The following ELMOD2 variants were observed in gnomAD, a reference collection of about 807,000 sequenced individuals.
ELMOD2 encodes the protein ELMO domain-containing protein 2.
Under a neutral mutation model 41.0 loss-of-function variants are expected in ELMOD2, and 28 were observed. That is an observed-to-expected ratio of 0.68 (90% confidence interval 0.51 to 0.94). ELMOD2 has a LOEUF of 0.94. Among genes scored for constraint, ELMOD2 ranks in the 40% least tolerant of loss-of-function variants. The pLI is 0.00. For missense variants in ELMOD2, 333 were observed against 343.1 expected, an observed-to-expected ratio of 0.97 and a Z score of 0.23; for synonymous variants, 106 against 107.2, an observed-to-expected ratio of 0.99 and a Z score of 0.07.
Position 140,552,412 on chromosome 4 carries a change from T to A in ELMOD2, c.*2037T>A, listed in dbSNP as rs1465049516. 6.6e-6 allele frequency: 1 copy of A among 152,034 alleles called. No homozygotes were observed. Among genetic ancestry groups the A allele is most frequent in the South Asian group, 2.1e-4 (1 of 4,830 alleles). 9.4% of individuals were successfully genotyped at this position (152,034 alleles called of 1,614,324 possible). A position where few individuals can be genotyped will look rare whatever the true frequency, so the allele number is the denominator to read the frequency against. On this transcript the variant is annotated 3_prime_UTR_variant, in exon 9 of 9. Coordinates refer to ENST00000323570, the MANE Select transcript of ELMOD2 (RefSeq NM_153702.4). ...GGTATCATTCTGTTTTTGCTTAAAATAATCTGCAACCATTTCAGATAGTTT... is the reference window on the plus strand; with the variant it reads ...GGTATCATTCTGTTTTTGCTTAAAAAAATCTGCAACCATTTCAGATAGTTT...
intron 7 of ELMOD2, among the ~76,000 whole-genome samples, chr4:140,543,134 T>C (rs111298156): frequency 1.1e-4 from 16 of 152,130 alleles, no homozygotes; most frequent in African/African-American, 3.6e-4. Context: ...ATCCAGATTA[T>C]CCAGTGTATT....
At chr4:140,538,889 C>A (rs1220708812) in intron 5 of ELMOD2, among the ~76,000 whole-genome samples, 1 of 152,218 alleles carries the variant, frequency 6.6e-6, no homozygotes, top group Non-Finnish European at 1.5e-5. Context: ...ATTCAATATT[C>A]ATGCATATTA....
chr4:140,535,966 G>A lies in ELMOD2; in HGVS notation c.269+136G>A, dbSNP rs979024525. The A allele has an allele frequency of 3.9e-6, 3 of 762,906 alleles. No individual in the cohort carries two copies. In the African/African-American group the frequency reaches 5.5e-5, roughly 14 times the overall value. The allele number at this position is 762,906 out of a possible 1,614,324, so 47.3% of individuals were successfully genotyped here. ...GATTCAGCGCTCTCACTTCACAAGAGGAGCAGTTGAGATCCAGAGAGGGCA... is the reference window on the plus strand; with the variant it reads ...GATTCAGCGCTCTCACTTCACAAGAAGAGCAGTTGAGATCCAGAGAGGGCA... On this transcript the variant is annotated intron_variant, in intron 4 of 8. Transcript: ENST00000323570.
At chr4:140,546,419 G>A (rs921212299) in intron 8 of ELMOD2, among the ~76,000 whole-genome samples, 17 of 151,616 alleles carry the variant, frequency 1.1e-4, no homozygotes, top group African/African-American at 3.4e-4. Context: ...ACACCAACAT[G>A]GCACATGTAT....
At chr4:140,546,180 T>C (rs2110879184) in intron 8 of ELMOD2, among the ~76,000 whole-genome samples, 1 of 152,290 alleles carries the variant, frequency 6.6e-6, no homozygotes, top group Middle Eastern at 3.4e-3. Flanking sequence ...GTTCATGTCC[T>C]TTGTAGGGAC....
chr4:140,530,614 T>C (rs1734717546), intron 3 of ELMOD2, among the ~76,000 whole-genome samples: 1 of 152,220 alleles, frequency 6.6e-6, no homozygotes, highest in Non-Finnish European at 1.5e-5. Flanking sequence ...TAGAAATTGC[T>C]ATAGTACTTT....
rs1735482728 is a variant in ELMOD2, at chr4:140,551,988, T to C, written c.*1613T>C. 1 of 152,094 alleles carries C rather than the reference T, an allele frequency of 6.6e-6. No homozygotes were observed. Among genetic ancestry groups the C allele is most frequent in the Non-Finnish European group, 1.5e-5 (1 of 67,912 alleles). 9.4% of individuals were successfully genotyped at this position (152,094 alleles called of 1,614,324 possible). ...TTTCAGTATTACAGGAATTTAAAAA[T>C]TGGTTTCTTGTAGGGGACATCTCAA... On this transcript the variant is annotated 3_prime_UTR_variant, in exon 9 of 9. Transcript: ENST00000323570.
intron 5 of ELMOD2, among the ~76,000 whole-genome samples, chr4:140,538,661 T>G (rs1735007590): frequency 6.6e-6 from 1 of 152,186 alleles, no homozygotes; most frequent in Non-Finnish European, 1.5e-5. Flanking sequence ...GTCCTAGCCC[T>G]CTAGTCCAGG....
chr4:140,533,451 G>A (rs1734813432), intron 3 of ELMOD2, among the ~76,000 whole-genome samples: 1 of 152,110 alleles, frequency 6.6e-6, no homozygotes. Flanking sequence ...AACTGGGTAT[G>A]TATGGGGGAA....
In ELMOD2 at chr4:140,525,522, C is replaced by T; in HGVS notation, c.94C>T (p.Gln32Ter). The T allele has an allele frequency of 6.2e-7, 1 of 1,613,806 alleles. No homozygotes were observed. The highest frequency in any genetic ancestry group is 8.5e-7 in the Non-Finnish European group (1 of 1,179,912). The change falls in exon 2 of 9, where the codon CAG (glutamine) becomes TAG (stop). Residue 32 changes from glutamine to a stop codon, truncating the protein, a stop_gained. Transcript: ENST00000323570. LOFTEE classifies it high-confidence loss of function. ...LRQMTGKCEL[Q>*]RIFDTYVGAQ... is the part of the protein sequence containing the mutation. ...ACAGATGACTGGGAAGTGTGAATTGCAGCGAATATTTGATACCTATGTAGG... is the reference window on the plus strand; with the variant it reads ...ACAGATGACTGGGAAGTGTGAATTGTAGCGAATATTTGATACCTATGTAGG...
In ELMOD2 at chr4:140,537,476, G is replaced by A. The variant is rs112201741; in HGVS notation, c.334G>A (p.Val112Ile). ...ITGYKQLYLD[V>I]ESVRKRPYDS... The stretch of plus-strand genomic sequence containing the variant: ...TGGTTATAAACAGCTGTATTTGGAT[G>A]TAGAAAGTGTGAGGAAAAGGCCATA... The change falls in exon 5 of 9, where the codon GTA becomes ATA. Residue 112 changes from valine (V) to isoleucine (I), a missense_variant. Transcript: ENST00000323570. 8.8e-6 allele frequency: 14 copies of A among 1,584,034 alleles called. No homozygotes were observed. The African/African-American group carries it at 1.1e-4, about 12-fold the overall frequency.
Position 140,552,737 on chromosome 4 carries a change from T to G in ELMOD2, c.*2362T>G, listed in dbSNP as rs1406945090. On this transcript the variant is annotated 3_prime_UTR_variant, in exon 9 of 9. Transcript: ENST00000323570. Reference sequence around the variant, plus strand: ...TTGTGGCATTGAAGTAGCCGAAAAATTGTTAGTTTTAGCATCAAAAAAGTA... The same window carrying G: ...TTGTGGCATTGAAGTAGCCGAAAAAGTGTTAGTTTTAGCATCAAAAAAGTA... 2 of 152,028 alleles carry G rather than the reference T, an allele frequency of 1.3e-5. No individual in the cohort carries two copies. The highest frequency in any genetic ancestry group is 2.9e-5 in the Non-Finnish European group (2 of 67,964). 9.4% of individuals were successfully genotyped at this position (152,028 alleles called of 1,614,324 possible).
In ELMOD2 at chr4:140,525,402, T is replaced by G. The variant is rs1231906287; in HGVS notation, c.-9-18T>G. 4.3e-6 allele frequency: 7 copies of G among 1,610,016 alleles called. No individual in the cohort carries two copies. Among genetic ancestry groups the G allele is most frequent in the Non-Finnish European group, 5.9e-6 (7 of 1,178,720 alleles). On this transcript the variant is annotated intron_variant, in intron 1 of 8. Coordinates refer to ENST00000323570, the MANE Select transcript of ELMOD2 (RefSeq NM_153702.4). ...GTTTAAGGTCATTAAGCTTGTCTTG[T>G]ATGTTTCCCTCCTCCAGGAAAAAAA...
At position 140,536,909 on chromosome 4, in the gene ELMOD2, C is replaced by A. The variant is rs527774883; in HGVS notation, c.270-503C>A. ...TTTAGCGTATGGGGATCTTTTGATA[C>A]ATTGTGATGGAGAGAGGCAGGTCAG... is the stretch of plus-strand genomic sequence containing the variant. On this transcript the variant is annotated intron_variant, in intron 4 of 8. Coordinates refer to ENST00000323570, the MANE Select transcript of ELMOD2 (RefSeq NM_153702.4). Among the ~76,000 whole-genome samples the A allele has an allele frequency of 6.6e-5, 10 of 152,152 alleles. No individual in the cohort carries two copies. In the South Asian group the frequency reaches 2.1e-3, roughly 32 times the overall value.
chr4:140,524,634 C>T, intron 1 of ELMOD2: 1 of 985,492 alleles, frequency 1.0e-6, no homozygotes, highest in Non-Finnish European at 1.2e-6. Flanking sequence ...CGAACTTCGA[C>T]AGTCCCTCCT....
At position 140,527,940 on chromosome 4, in the gene ELMOD2, G is replaced by A. The variant is rs1056453706; in HGVS notation, c.171+446G>A. On this transcript the variant is annotated intron_variant, in intron 3 of 8. Coordinates refer to ENST00000323570, the MANE Select transcript of ELMOD2 (RefSeq NM_153702.4). Reference sequence around the variant, plus strand: ...GTAACAAACTATAATAAAATCTCAGGGGCATAAAACGATACGTTGTTTCTT... The same window carrying A: ...GTAACAAACTATAATAAAATCTCAGAGGCATAAAACGATACGTTGTTTCTT... The A allele has an allele frequency of 2.9e-4, 45 of 154,012 alleles. 1 individual carries two copies. The highest frequency in any genetic ancestry group is 1.3e-4 in the Non-Finnish European group (9 of 69,482). 9.5% of individuals were successfully genotyped at this position (154,012 alleles called of 1,614,324 possible). A position where few individuals can be genotyped will look rare whatever the true frequency, so the allele number is the denominator to read the frequency against.
chr4:140,536,324 C>T (rs548954352), intron 4 of ELMOD2, among the ~76,000 whole-genome samples: 5 of 152,224 alleles, frequency 3.3e-5, no homozygotes, highest in South Asian at 4.1e-4. Flanking sequence ...GTGTTCCCAG[C>T]GCTGGTATGT....
chr4:140,532,155 C>A (rs1411953009), intron 3 of ELMOD2, among the ~76,000 whole-genome samples: 1 of 149,298 alleles, frequency 6.7e-6, no homozygotes, highest in East Asian at 2.0e-4. Flanking sequence ...GATAATATGT[C>A]ATGTTGAGTT....
Position 140,525,426 on chromosome 4 carries a change from A to G in ELMOD2, c.-3A>G, listed in dbSNP as rs764944668. On this transcript the variant is annotated 5_prime_UTR_variant, in exon 2 of 9. Coordinates refer to ENST00000323570, the MANE Select transcript of ELMOD2 (RefSeq NM_153702.4). ...GTATGTTTCCCTCCTCCAGGAAAAA[A>G]AAATGTTTATTTCTTTGTGGGAGTT... 2.0e-5 allele frequency: 33 copies of G among 1,611,872 alleles called. No homozygotes were observed. The African/African-American group carries it at 3.7e-4, about 18-fold the overall frequency.
Sources: gnomAD v4.1 joint callset for allele counts (sites outside exome capture counted in the v4.1 genomes callset) on GRCh38, gnomAD v4.1.1 for gene constraint, MANE v1.5 for transcripts, NCBI Gene and HGNC (gene_info 2026-07-23, HGNC 2026-07-21) for gene names.